Variants in CAP2 observed in about 807,000 individuals in gnomAD.
CAP2 encodes adenylyl cyclase-associated protein 2.
CAP2 carries 24 observed loss-of-function variants against 57.7 expected under a neutral mutation model. The ratio of observed to expected loss-of-function variants is 0.42; its 90% CI spans 0.30 to 0.58. The LOEUF is 0.58. Among genes scored for constraint, CAP2 ranks in the 20% least tolerant of loss-of-function variants. The pLI is 0.22. For synonymous variants in CAP2, 194 were observed against 207.2 expected (o/e 0.94, Z 0.55); for missense variants, 501 against 590.3 (o/e 0.85, Z 1.57).
chr6:17,491,849 T>G (rs1436788785), intron 4 of CAP2, among the ~76,000 whole-genome samples: 1 of 152,254 alleles, frequency 6.6e-6, no homozygotes, highest in African/African-American at 2.4e-5. Context: ...GTGCGTGATT[T>G]ATAGTAAGCA....
chr6:17,405,250 A>T (rs183340089), intron 1 of CAP2, among the ~76,000 whole-genome samples: 139 of 152,002 alleles, frequency 9.1e-4, no homozygotes, highest in Non-Finnish European at 1.7e-3. Context: ...GGTGTGGTAT[A>T]GACGCTTGTT....
Position 17,421,585 on chromosome 6 carries a change from A to G in CAP2, c.30A>G (p.Arg10=). Residue 10 remains arginine, a synonymous_variant, in exon 2 of 13, where the codon AGA becomes AGG. Transcript: ENST00000229922. MANMQGLVE[R]LERAVSRLES... ...CCAACATGCAGGGACTGGTGGAAAGACTGGAACGAGCTGTCAGCCGCCTGG... is the reference window on the plus strand; with the variant it reads ...CCAACATGCAGGGACTGGTGGAAAGGCTGGAACGAGCTGTCAGCCGCCTGG... 9 of 1,614,148 alleles carry G rather than the reference A, an allele frequency of 5.6e-6. No homozygotes were observed. The highest frequency in any genetic ancestry group is 7.6e-6 in the Non-Finnish European group (9 of 1,180,006).
intron 1 of CAP2, among the ~76,000 whole-genome samples, chr6:17,396,153 C>G (rs1377483771): frequency 6.6e-6 from 1 of 152,070 alleles, no homozygotes; most frequent in Non-Finnish European, 1.5e-5. Context: ...CAGATAATAA[C>G]AAATACTGGT....
chr6:17,469,209 C>G (rs990763256), intron 4 of CAP2, among the ~76,000 whole-genome samples: 1 of 152,266 alleles, frequency 6.6e-6, no homozygotes, highest in Non-Finnish European at 1.5e-5. Flanking sequence ...CCTGGGAGGT[C>G]TCCCACTGAT....
chr6:17,444,172 G>A (rs1402544232), intron 3 of CAP2, among the ~76,000 whole-genome samples: 1 of 152,102 alleles, frequency 6.6e-6, no homozygotes, highest in Non-Finnish European at 1.5e-5. Flanking sequence ...TTCCAGCCCT[G>A]TCTCTGTCTA....
intron 3 of CAP2, among the ~76,000 whole-genome samples, chr6:17,434,757 T>G (rs1759828661): frequency 2.0e-5 from 3 of 152,238 alleles, no homozygotes; most frequent in Non-Finnish European, 4.4e-5. Context: ...CACTTCATTA[T>G]GTACACTGCT....
chr6:17,487,820 C>T (rs1016750275), intron 4 of CAP2, among the ~76,000 whole-genome samples: 2 of 152,066 alleles, frequency 1.3e-5, no homozygotes, highest in African/African-American at 4.8e-5. Context: ...ACACTGTTAC[C>T]TAGGCCGGAG....
At chr6:17,487,636 A>G (rs1322980491) in intron 4 of CAP2, among the ~76,000 whole-genome samples, 1 of 151,944 alleles carries the variant, frequency 6.6e-6, no homozygotes, top group African/African-American at 2.4e-5. Context: ...CGCCCGGCTA[A>G]TTTTTGTATT....
intron 1 of CAP2, among the ~76,000 whole-genome samples, chr6:17,406,135 C>T (rs545247286): frequency 6.6e-6 from 1 of 152,216 alleles, no homozygotes; most frequent in East Asian, 1.9e-4. Context: ...ATACACAGAG[C>T]CAGGGCATCC....
intron 7 of CAP2, chr6:17,531,431 T>C: frequency 6.3e-7 from 1 of 1,580,822 alleles, no homozygotes; most frequent in Non-Finnish European, 8.6e-7. Context: ...CCTCGCCATT[T>C]GAATTTCAGT....
intron 3 of CAP2, among the ~76,000 whole-genome samples, chr6:17,446,844 C>T (rs1386689585): frequency 1.3e-5 from 2 of 152,186 alleles, no homozygotes; most frequent in African/African-American, 4.8e-5. Context: ...GTGACCAATC[C>T]TGCACAGCTT....
intron 4 of CAP2, among the ~76,000 whole-genome samples, chr6:17,472,662 G>GGCTACTGC (rs1207991035): frequency 6.6e-6 from 1 of 152,052 alleles, no homozygotes; most frequent in Admixed American, 6.6e-5. Flanking sequence ...AGCATGTGAC[G>GGCTACTGC]GCTACTGCCC....
At chr6:17,544,143 GA>G (rs1762983359) in intron 11 of CAP2, among the ~76,000 whole-genome samples, 1 of 124,846 alleles carries the variant, frequency 8.0e-6, no homozygotes. Flanking sequence ...AAAAAGAAAA[GA>G]AAAAAAGGAC....
chr6:17,456,399 G>A (rs1037454500), intron 3 of CAP2, among the ~76,000 whole-genome samples: 2 of 152,192 alleles, frequency 1.3e-5, no homozygotes, highest in Non-Finnish European at 2.9e-5. Context: ...CATGAAATGG[G>A]TGAAATTTGT....
intron 7 of CAP2, among the ~76,000 whole-genome samples, chr6:17,535,920 C>T (rs906331321): frequency 8.6e-5 from 13 of 151,470 alleles, no homozygotes; most frequent in African/African-American, 1.5e-4. Context: ...ACAGCCTAGT[C>T]GTCTTTGGAA....
Position 17,443,407 on chromosome 6 carries a change from T to C in CAP2, c.222+16717T>C, listed in dbSNP as rs1215052458. ...GTCTTTCTAAAACTGTGCCCATAAT[T>C]GGAAATTTGTTGTTGTTTTCTATCT... On this transcript the variant is annotated intron_variant, in intron 3 of 12. Coordinates refer to ENST00000229922, the MANE Select transcript of CAP2 (RefSeq NM_006366.3). Among the ~76,000 whole-genome samples, 3 of 152,184 alleles carry C rather than the reference T, an allele frequency of 2.0e-5. No individual in the cohort carries two copies. The East Asian group carries it at 5.8e-4, about 29-fold the overall frequency.
chr6:17,477,126 G>A (rs945475704), intron 4 of CAP2, among the ~76,000 whole-genome samples: 4 of 151,950 alleles, frequency 2.6e-5, no homozygotes, highest in South Asian at 4.2e-4. Context: ...CCGGCCTTTC[G>A]GCCTCCCAAA....
chr6:17,493,582 C>T (rs759592612), intron 4 of CAP2: 16 of 190,132 alleles, frequency 8.4e-5, no homozygotes, highest in Admixed American at 2.7e-4. Context: ...GGGCCAGAAG[C>T]GCCATTCTTG....
intron 7 of CAP2, chr6:17,531,721 G>A (rs1762645303): frequency 1.6e-6 from 1 of 624,860 alleles, no homozygotes; most frequent in East Asian, 2.7e-5. Context: ...CTTAAAGTTG[G>A]AGATCAATGT....
Sources: gnomAD v4.1 joint callset for allele counts (sites outside exome capture counted in the v4.1 genomes callset) on GRCh38, gnomAD v4.1.1 for gene constraint, MANE v1.5 for transcripts, NCBI Gene and HGNC (gene_info 2026-07-23, HGNC 2026-07-21) for gene names.